The following CACNG8 variants were observed in gnomAD, a reference collection of about 807,000 sequenced individuals.
CACNG8 encodes calcium voltage-gated channel auxiliary subunit gamma 8, also known as voltage-dependent calcium channel gamma-8 subunit.
In CACNG8, 5 loss-of-function variants were observed where a neutral mutation model predicts 26.9. That is an observed-to-expected ratio of 0.19 (90% CI 0.10 to 0.39). CACNG8 has a LOEUF of 0.39. Among genes scored for constraint, CACNG8 ranks in the 10% least tolerant of loss-of-function variants. CACNG8 has a pLI of 1.00. For missense variants in CACNG8, 473 were observed against 609.4 expected (o/e 0.78, Z 2.36); for synonymous variants, 321 against 296.7 (o/e 1.08, Z -0.84).
At chr19:53,975,692 T>G (rs980978286) in intron 1 of CACNG8, among the ~76,000 whole-genome samples, 27 of 152,134 alleles carry the variant, frequency 1.8e-4, no homozygotes, top group African/African-American at 6.0e-4. Context: ...TCAACCATTC[T>G]CTCATTAAAA....
Position 53,982,378 on chromosome 19 carries a change from C to T in CACNG8, c.807C>T (p.Arg269=). 6.5e-7 allele frequency: 1 copy of T among 1,529,950 alleles called. No individual in the cohort carries two copies. The highest frequency in any genetic ancestry group is 8.7e-7 in the Non-Finnish European group (1 of 1,143,848). The allele number at this position is 1,529,950 out of a possible 1,614,324, so 94.8% of individuals were successfully genotyped here. A position where few individuals can be genotyped will look rare whatever the true frequency, so the allele number is the denominator to read the frequency against. The change falls in exon 4 of 4, where the codon CGC becomes CGT. Residue 269 remains arginine (R), a synonymous_variant. Transcript: ENST00000270458. This position sits in a 1 kb window ranked among gnomAD's most constrained non-coding sequence, Gnocchi z 8.4. Reference sequence around the variant, plus strand: ...TCCGTCTGCCCAGTTACCGCTTCCGCTACCGCCGCCGCTCCCGCTCTAGCT... The same window carrying T: ...TCCGTCTGCCCAGTTACCGCTTCCGTTACCGCCGCCGCTCCCGCTCTAGCT...
In CACNG8 at chr19:53,987,167, A is replaced by C. The variant is rs1340403678; in HGVS notation, c.*4318A>C. 1 of 152,208 alleles carries C rather than the reference A, an allele frequency of 6.6e-6. No individual in the cohort carries two copies. Among genetic ancestry groups the C allele is most frequent in the African/African-American group, 2.4e-5 (1 of 41,434 alleles). 9.4% of individuals were successfully genotyped at this position (152,208 alleles called of 1,614,324 possible). On this transcript the variant is annotated 3_prime_UTR_variant, in exon 4 of 4. Transcript: ENST00000270458. ...CTGCCAACCTCCGCCTCCCAAGTTCAAGTGATTCTCCTGCCTCAGCCTCCT... is the reference window on the plus strand; with the variant it reads ...CTGCCAACCTCCGCCTCCCAAGTTCCAGTGATTCTCCTGCCTCAGCCTCCT...
At position 53,963,064 on chromosome 19, in the gene CACNG8, C is replaced by A. The variant is rs574177901; in HGVS notation, c.-79C>A. ...CCCCCGCTTCTGCCTGCGCTGTGAA[C>A]CCCCCCCCAGCCGCCGGCACGGCCC... On this transcript the variant is annotated 5_prime_UTR_variant, in exon 1 of 4. Transcript: ENST00000270458. 1.4e-5 allele frequency: 7 copies of A among 491,458 alleles called. No homozygotes were observed. Among genetic ancestry groups the A allele is most frequent in the Admixed American group, 5.5e-5 (1 of 18,204 alleles). The allele number at this position is 491,458 out of a possible 1,614,324, so 30.4% of individuals were successfully genotyped here. A position where few individuals can be genotyped will look rare whatever the true frequency, so the allele number is the denominator to read the frequency against.
rs1170446900 is a variant in CACNG8 at position 53,983,416 on chromosome 19, G to GGCATT, written c.*569_*573dup. The GGCATT allele has an allele frequency of 6.6e-6, 1 of 152,190 alleles. No individual in the cohort carries two copies. The highest frequency in any genetic ancestry group is 2.4e-5 in the African/African-American group (1 of 41,430). The allele number at this position is 152,190 out of a possible 1,614,324, so 9.4% of individuals were successfully genotyped here. On this transcript the variant is annotated 3_prime_UTR_variant, in exon 4 of 4. Coordinates refer to ENST00000270458, the MANE Select transcript of CACNG8 (RefSeq NM_031895.6). ...TGTACCAGGCACTGGTACATAAGAA[G>GGCATT]GCATTGGAGCAGGGGACACGAACGA...
Position 53,982,006 on chromosome 19 carries a change from G to A in CACNG8, c.509-74G>A. 6.9e-7 allele frequency: 1 copy of A among 1,458,370 alleles called. No homozygotes were observed. The highest frequency in any genetic ancestry group is 9.0e-7 in the Non-Finnish European group (1 of 1,111,048). 90.3% of individuals were successfully genotyped at this position (1,458,370 alleles called of 1,614,324 possible). A position where few individuals can be genotyped will look rare whatever the true frequency, so the allele number is the denominator to read the frequency against. ...CGCCTGGGCCCGCTGGCGCAGGCGG[G>A]CAGGGGTCGGGGCCGGGGGCGGGGG... On this transcript the variant is annotated intron_variant, in intron 3 of 3. Transcript: ENST00000270458. The surrounding 1 kb of genome is among the most constrained non-coding windows in gnomAD (Gnocchi z 8.4).
chr19:53,981,511 G>A (rs528641373), intron 3 of CACNG8, among the ~76,000 whole-genome samples: 1 of 152,176 alleles, frequency 6.6e-6, no homozygotes, highest in Non-Finnish European at 1.5e-5. Flanking sequence ...CAGACCATCT[G>A]GGGGTGGGTC....
rs10412581 is a variant in CACNG8 at position 53,986,500 on chromosome 19, A to G, written c.*3651A>G. 91,572 of 151,366 alleles carry G rather than the reference A, an allele frequency of 0.6. 27,894 individuals carry two copies. Among genetic ancestry groups the G allele is most frequent in the East Asian group, 0.81 (4,138 of 5,128 alleles). 9.4% of individuals were successfully genotyped at this position (151,366 alleles called of 1,614,324 possible). Reference sequence around the variant, plus strand: ...ATGCCTGTAATCCCAGCACTTTGGGAGGCCGAGGCTGGTGGATCACTTGAG... The same window carrying G: ...ATGCCTGTAATCCCAGCACTTTGGGGGGCCGAGGCTGGTGGATCACTTGAG... On this transcript the variant is annotated 3_prime_UTR_variant, in exon 4 of 4. Coordinates refer to ENST00000270458, the MANE Select transcript of CACNG8 (RefSeq NM_031895.6).
chr19:53,967,471 G>A (rs11665982), intron 1 of CACNG8, among the ~76,000 whole-genome samples: 14 of 152,180 alleles, frequency 9.2e-5, no homozygotes, highest in Non-Finnish European at 1.5e-4. Context: ...ACGACTACTC[G>A]TGAAAACGAC....
At chr19:53,970,587 C>T (rs2069296699) in intron 1 of CACNG8, among the ~76,000 whole-genome samples, 2 of 150,382 alleles carry the variant, frequency 1.3e-5, no homozygotes, top group South Asian at 4.2e-4. Flanking sequence ...ATGGCGCCAC[C>T]GCACTACAGC....
chr19:53,962,949 C>T lies in CACNG8; in HGVS notation c.-194C>T. On this transcript the variant is annotated 5_prime_UTR_variant, in exon 1 of 4. Transcript: ENST00000270458. Reference sequence around the variant, plus strand: ...GCGAGATCTCGCTCCTTGCCCTCCACCAGCCGCCGACCATGGCCGCGCTCT... The same window carrying T: ...GCGAGATCTCGCTCCTTGCCCTCCATCAGCCGCCGACCATGGCCGCGCTCT... 2 of 348,998 alleles carry T rather than the reference C, an allele frequency of 5.7e-6. No homozygotes were observed. The highest frequency in any genetic ancestry group is 1.0e-5 in the Non-Finnish European group (2 of 195,510). 21.6% of individuals were successfully genotyped at this position (348,998 alleles called of 1,614,324 possible). A position where few individuals can be genotyped will look rare whatever the true frequency, so the allele number is the denominator to read the frequency against.
At position 53,987,580 on chromosome 19, in the gene CACNG8, A is replaced by AT. The variant is rs11405166; in HGVS notation, c.*4732dup. On this transcript the variant is annotated 3_prime_UTR_variant, in exon 4 of 4. Coordinates refer to ENST00000270458, the MANE Select transcript of CACNG8 (RefSeq NM_031895.6). ...AGAGCCTGCATTGGTGGTGAACTGG[A>AT]TGTCATAGAGGAGGGAAGGAAAAGG... 39,098 of 152,050 alleles carry AT rather than the reference A, an allele frequency of 0.26. 6,084 individuals carry two copies. The highest frequency in any genetic ancestry group is 0.44 in the Middle Eastern group (127 of 290). 9.4% of individuals were successfully genotyped at this position (152,050 alleles called of 1,614,324 possible).
intron 1 of CACNG8, among the ~76,000 whole-genome samples, chr19:53,970,745 C>T (rs2069297509): frequency 6.6e-6 from 1 of 151,516 alleles, no homozygotes; most frequent in Non-Finnish European, 1.5e-5. Flanking sequence ...CCAGCCTGGG[C>T]AACATAGGGA....
Position 53,984,649 on chromosome 19 carries a change from G to A in CACNG8, c.*1800G>A, listed in dbSNP as rs1355409298. 6.6e-6 allele frequency: 1 copy of A among 152,488 alleles called. No homozygotes were observed. The highest frequency in any genetic ancestry group is 6.5e-5 in the Admixed American group (1 of 15,288). The allele number at this position is 152,488 out of a possible 1,614,324, so 9.4% of individuals were successfully genotyped here. ...AGGCCGGGAAAGTAGCCACAAGCTA[G>A]AGTGTAAAGGTACCAGGGTGGCCGG... is the stretch of plus-strand genomic sequence containing the variant. On this transcript the variant is annotated 3_prime_UTR_variant, in exon 4 of 4. Coordinates refer to ENST00000270458, the MANE Select transcript of CACNG8 (RefSeq NM_031895.6).
At position 53,982,997 on chromosome 19, in the gene CACNG8, C is replaced by T. The variant is rs946446999; in HGVS notation, c.*148C>T. Reference sequence around the variant, plus strand: ...CGCCCCACGCCCACCCTCCCCGCCCCCCTCCCCCTCCGAAGCAGGGACCCC... The same window carrying T: ...CGCCCCACGCCCACCCTCCCCGCCCTCCTCCCCCTCCGAAGCAGGGACCCC... On this transcript the variant is annotated 3_prime_UTR_variant, in exon 4 of 4. Coordinates refer to ENST00000270458, the MANE Select transcript of CACNG8 (RefSeq NM_031895.6). This position sits in a 1 kb window ranked among gnomAD's most constrained non-coding sequence, Gnocchi z 8.4. 6 of 392,888 alleles carry T rather than the reference C, an allele frequency of 1.5e-5. No individual in the cohort carries two copies. The East Asian group carries it at 2.1e-4, about 14-fold the overall frequency. The allele number at this position is 392,888 out of a possible 1,614,324, so 24.3% of individuals were successfully genotyped here. A position where few individuals can be genotyped will look rare whatever the true frequency, so the allele number is the denominator to read the frequency against.
chr19:53,982,536 T>TGGCGGGGGCCGGC lies in CACNG8; in HGVS notation c.971_983dup (p.Gly330ArgfsTer171). 8.0e-7 allele frequency: 1 copy of TGGCGGGGGCCGGC among 1,243,398 alleles called. No individual in the cohort carries two copies. The highest frequency in any genetic ancestry group is 1.0e-6 in the Non-Finnish European group (1 of 996,396). 77.0% of individuals were successfully genotyped at this position (1,243,398 alleles called of 1,614,324 possible). On this transcript the variant is annotated frameshift_variant, in exon 4 of 4. Coordinates refer to ENST00000270458, the MANE Select transcript of CACNG8 (RefSeq NM_031895.6). LOFTEE classifies it high-confidence loss of function. This position sits in a 1 kb window ranked among gnomAD's most constrained non-coding sequence, Gnocchi z 8.4. ...TCCAAGGGCAGCGTGGCCGCGGGGC[T>TGGCGGGGGCCGGC]GGCGGGGGCCGGCGGCGGCGGCGGC...
chr19:53,981,998 G>T (rs2069371416), intron 3 of CACNG8, 82 bp from the exon 4 acceptor site: 4 of 1,408,244 alleles, frequency 2.8e-6, no homozygotes, highest in Non-Finnish European at 3.7e-6. Flanking sequence ...GCCCGCTGGC[G>T]CAGGCGGGCA....
At chr19:53,970,476 T>C (rs1204111130) in intron 1 of CACNG8, among the ~76,000 whole-genome samples, 1 of 147,476 alleles carries the variant, frequency 6.8e-6, no homozygotes, top group Non-Finnish European at 1.5e-5. Context: ...AATACAAAAA[T>C]TAGTCGGGCG....
In CACNG8 at chr19:53,979,959, T is replaced by G. The variant is rs775873011; in HGVS notation, c.460T>G (p.Ser154Ala). The G allele has an allele frequency of 5.6e-6, 9 of 1,612,544 alleles. No individual in the cohort carries two copies. The highest frequency in any genetic ancestry group is 1.7e-4 in the Middle Eastern group (1 of 6,056). The change falls in exon 3 of 4, where the codon TCC (serine) becomes GCC (alanine). Residue 154 changes from serine (S) to alanine (A), a missense_variant. Around this residue, in one of 6 missense-constraint regions of CACNG8, gnomAD observed 155 missense variants for 253.0 expected, o/e 0.61. Coordinates refer to ENST00000270458, the MANE Select transcript of CACNG8 (RefSeq NM_031895.6). ...CGTGGCGGCCTCCCGCGTCTACAAG[T>G]CCAAGAGGAACATCATTCTGGGCGC... is the stretch of plus-strand genomic sequence containing the variant.
At position 53,963,334 on chromosome 19, in the gene CACNG8, G is replaced by T; in HGVS notation, c.192G>T (p.Gly64=). 6.2e-7 allele frequency: 1 copy of T among 1,600,684 alleles called. No homozygotes were observed. The change falls in exon 1 of 4, where the codon GGG becomes GGT. Residue 64 remains glycine, a synonymous_variant. Coordinates refer to ENST00000270458, the MANE Select transcript of CACNG8 (RefSeq NM_031895.6). ...ACCTCACGGCCGGCGGCGACGACGG[G>T]ACCCCCCACCGCGGGGGCGGCGGCG...
Sources: gnomAD v4.1 joint callset for allele counts (sites outside exome capture counted in the v4.1 genomes callset) on GRCh38, gnomAD v4.1.1 for gene constraint, gnomAD v4.1.1 regional missense constraint, Gnocchi (gnomAD v3.1) non-coding constraint, MANE v1.5 for transcripts, NCBI Gene and HGNC (gene_info 2026-07-23, HGNC 2026-07-21) for gene names.